Variants in CNBD1 observed in about 807,000 individuals in gnomAD.
The protein encoded by CNBD1 is cyclic nucleotide-binding domain-containing protein 1.
CNBD1 carries 71 observed loss-of-function variants against 54.4 expected under a neutral mutation model. The observed-to-expected ratio is 1.30, with a 90% CI of 1.08 to 1.59. The LOEUF is 1.59. Ranked by LOEUF, CNBD1 falls within the 40% of genes most tolerant of loss-of-function variation. The probability of loss-of-function intolerance (pLI) is 0.00; values close to 1 mark genes in which losing one functional copy is unlikely to be tolerated. For synonymous variants in CNBD1, 182 were observed against 170.7 expected (o/e 1.07, Z -0.51); for missense variants, 659 against 518.0 (o/e 1.27, Z -2.64).
At chr8:86,888,515 A>G (rs138374748) in intron 2 of CNBD1, among the ~76,000 whole-genome samples, 1 of 152,220 alleles carries the variant, frequency 6.6e-6, no homozygotes, top group Non-Finnish European at 1.5e-5. Context: ...ACTGCTTACT[A>G]CATTTCTCTG....
intron 4 of CNBD1, among the ~76,000 whole-genome samples, chr8:86,951,971 C>T (rs1807637310): frequency 6.6e-6 from 1 of 152,098 alleles, no homozygotes; most frequent in African/African-American, 2.4e-5. Flanking sequence ...TCCTTGCAGA[C>T]AAAGGACAAA....
chr8:87,351,545 C>A, intron 8 of CNBD1, 140 bp from the exon 9 acceptor site: 2 of 709,096 alleles, frequency 2.8e-6, no homozygotes, highest in Non-Finnish European at 4.2e-6. Flanking sequence ...GTATTAAGTA[C>A]TGTCTATAAA....
chr8:86,906,833 T>C (rs973870778), intron 3 of CNBD1, among the ~76,000 whole-genome samples: 1 of 152,216 alleles, frequency 6.6e-6, no homozygotes, highest in African/African-American at 2.4e-5. Context: ...ATCTTCATAT[T>C]TTTAAGAAAA....
At chr8:87,189,406 G>A (rs1049227699) in intron 4 of CNBD1, among the ~76,000 whole-genome samples, 2 of 152,034 alleles carry the variant, frequency 1.3e-5, no homozygotes, top group Non-Finnish European at 2.9e-5. Flanking sequence ...TGTGCAGTTG[G>A]CAGACAAGCC....
At chr8:87,067,333 C>T (rs2069462568) in intron 4 of CNBD1, among the ~76,000 whole-genome samples, 1 of 151,888 alleles carries the variant, frequency 6.6e-6, no homozygotes, top group South Asian at 2.1e-4. Flanking sequence ...TGCAGTTCCA[C>T]CCTTATAATT....
intron 4 of CNBD1, among the ~76,000 whole-genome samples, chr8:87,162,826 C>T (rs1415100742): frequency 1.3e-5 from 2 of 151,916 alleles, no homozygotes; most frequent in Non-Finnish European, 2.9e-5. Flanking sequence ...TGTGTTGCCT[C>T]CAGAATTCAG....
chr8:87,389,387 G>A (rs913323204), intron 2 of CNBD1, among the ~76,000 whole-genome samples: 2 of 152,072 alleles, frequency 1.3e-5, no homozygotes, highest in Admixed American at 1.3e-4. Flanking sequence ...CAAGCTGATA[G>A]GCAACTTCAG....
intron 2 of CNBD1, among the ~76,000 whole-genome samples, chr8:87,403,940 C>G (rs1432763790): frequency 2.0e-5 from 3 of 152,062 alleles, no homozygotes; most frequent in African/African-American, 7.2e-5. Context: ...ATAGTGCTAT[C>G]TGAACAGTAA....
intron 2 of CNBD1, among the ~76,000 whole-genome samples, chr8:87,389,469 A>G (rs986734206): frequency 6.6e-6 from 1 of 152,204 alleles, no homozygotes; most frequent in African/African-American, 2.4e-5. Flanking sequence ...AGACAAACAG[A>G]GAGCCAAATC....
At chr8:86,939,412 A>G (rs564666493) in intron 3 of CNBD1, among the ~76,000 whole-genome samples, 184 bp from the exon 4 acceptor site, 1 of 152,330 alleles carries the variant, frequency 6.6e-6, no homozygotes, top group South Asian at 2.1e-4. Flanking sequence ...TACATGTAAC[A>G]GAATGACATA....
intron 6 of CNBD1, among the ~76,000 whole-genome samples, chr8:87,250,378 T>C (rs987235519): frequency 6.6e-6 from 1 of 152,176 alleles, no homozygotes; most frequent in African/African-American, 2.4e-5. Context: ...TTGGTTGGAA[T>C]GCAAATTAGT....
chr8:86,884,097 AG>A (rs1330664418), intron 1 of CNBD1, among the ~76,000 whole-genome samples: 2 of 151,366 alleles, frequency 1.3e-5, no homozygotes, highest in Non-Finnish European at 2.9e-5. Context: ...GCTTGCAGTG[AG>A]CCGAGATCCC....
chr8:86,993,862 G>C (rs1808809506), intron 4 of CNBD1, among the ~76,000 whole-genome samples: 1 of 152,234 alleles, frequency 6.6e-6, no homozygotes, highest in Non-Finnish European at 1.5e-5. Context: ...GGTGGAGGAA[G>C]AGAGAGATGA....
chr8:87,289,494 A>G (rs941924217), intron 8 of CNBD1, among the ~76,000 whole-genome samples: 1 of 152,098 alleles, frequency 6.6e-6, no homozygotes, highest in Non-Finnish European at 1.5e-5. Flanking sequence ...CATGTGTATC[A>G]TGGATATAAG....
intron 4 of CNBD1, among the ~76,000 whole-genome samples, chr8:87,137,164 T>TTA (rs1202142290): frequency 2.1e-5 from 3 of 141,842 alleles, no homozygotes; most frequent in South Asian, 2.1e-4. Context: ...TCTATATAAA[T>TTA]TATATATATT....
At chr8:87,427,571 T>G (rs1021431048) in intron 2 of CNBD1, among the ~76,000 whole-genome samples, 6 of 152,184 alleles carry the variant, frequency 3.9e-5, no homozygotes, top group Admixed American at 2.6e-4. Context: ...TTTGCCCAAC[T>G]ATCTGAATGA....
chr8:86,904,166 G>C (rs1217920029), intron 2 of CNBD1, among the ~76,000 whole-genome samples: 1 of 151,902 alleles, frequency 6.6e-6, no homozygotes, highest in Non-Finnish European at 1.5e-5. Context: ...AAATGAAAAA[G>C]ACTTTTTAAA....
chr8:86,905,389 G>A (rs1204295683), intron 3 of CNBD1, among the ~76,000 whole-genome samples, 195 bp downstream of exon 3: 1 of 152,154 alleles, frequency 6.6e-6, no homozygotes, highest in East Asian at 1.9e-4. Context: ...AAAAATACGT[G>A]TCCACTGCTA....
At position 86,894,759 on chromosome 8, in the gene CNBD1, T is replaced by A. The variant is rs541303652; in HGVS notation, c.158+7148T>A. On this transcript the variant is annotated intron_variant, in intron 2 of 10. Coordinates refer to ENST00000518476, the MANE Select transcript of CNBD1 (RefSeq NM_173538.3). ...CTCTGTTTCCATAATTTTGCCTTTT[T>A]TAGAATGTCATATAGTTGGAATAAT... Among the ~76,000 whole-genome samples the A allele has an allele frequency of 6.6e-5, 10 of 152,332 alleles. 1 individual carries two copies. In the South Asian group the frequency reaches 1.2e-3, roughly 19 times the overall value.
Sources: allele counts gnomAD v4.1 joint callset (sites outside exome capture counted in the v4.1 genomes callset), GRCh38; gene constraint gnomAD v4.1.1; transcripts MANE v1.5; gene names NCBI Gene and HGNC (gene_info 2026-07-23, HGNC 2026-07-21).